Variants in ADAM32 observed in about 807,000 individuals in gnomAD.
The protein encoded by ADAM32 is disintegrin and metalloproteinase domain-containing protein 32.
In ADAM32, 89 loss-of-function variants were observed where a neutral mutation model predicts 114.9. The observed-to-expected ratio is 0.77, with a 90% CI of 0.65 to 0.92. The LOEUF (loss-of-function observed/expected upper bound fraction) is 0.92, where lower values mean the gene tolerates loss of function less well. Ranked by LOEUF, ADAM32 falls within the 40% of genes least tolerant of loss-of-function variation. The pLI is 0.00. For synonymous variants in ADAM32, 285 were observed against 307.5 expected (o/e 0.93, Z 0.77); for missense variants, 870 against 932.8 (o/e 0.93, Z 0.88).
intron 2 of ADAM32, among the ~76,000 whole-genome samples, chr8:39,133,205 C>A (rs887850051): frequency 1.3e-5 from 2 of 152,088 alleles, no homozygotes; most frequent in African/African-American, 4.8e-5. Flanking sequence ...TTAGTGAATT[C>A]TTGATCTGTT....
intron 16 of ADAM32, among the ~76,000 whole-genome samples, chr8:39,245,193 G>A (rs748817555): frequency 6.6e-6 from 1 of 152,090 alleles, no homozygotes; most frequent in Non-Finnish European, 1.5e-5. Context: ...TCTAAGTGAA[G>A]TAACTCAGGA....
At chr8:39,139,135 C>T (rs1666637089) in intron 3 of ADAM32, among the ~76,000 whole-genome samples, 1 of 152,178 alleles carries the variant, frequency 6.6e-6, no homozygotes, top group African/African-American at 2.4e-5. Context: ...TGCCTGTTCA[C>T]TCTGATGATA....
chr8:39,155,724 T>G (rs1170632613), intron 6 of ADAM32, among the ~76,000 whole-genome samples: 2 of 152,200 alleles, frequency 1.3e-5, no homozygotes, highest in Non-Finnish European at 2.9e-5. Context: ...CTAATCGTTT[T>G]CTATATGTCT....
intron 10 of ADAM32, among the ~76,000 whole-genome samples, chr8:39,180,027 C>A (rs966966030): frequency 9.2e-5 from 14 of 152,192 alleles, no homozygotes; most frequent in Non-Finnish European, 1.5e-5. Flanking sequence ...CTTGAGGAGC[C>A]CTTTGGCCCA....
At chr8:39,177,910 G>T (rs542383235) in intron 10 of ADAM32, among the ~76,000 whole-genome samples, 1 of 152,044 alleles carries the variant, frequency 6.6e-6, no homozygotes, top group Non-Finnish European at 1.5e-5. Context: ...TTTTGTAGGT[G>T]ACCTGGCCTT....
At chr8:39,148,669 T>A (rs762544838) in intron 4 of ADAM32, among the ~76,000 whole-genome samples, 10 of 152,188 alleles carry the variant, frequency 6.6e-5, no homozygotes, top group Non-Finnish European at 1.2e-4. Context: ...ACTTGGAATA[T>A]AATAAAAATT....
At chr8:39,182,365 G>C (rs374794225) in intron 10 of ADAM32, among the ~76,000 whole-genome samples, 2 of 152,098 alleles carry the variant, frequency 1.3e-5, no homozygotes, top group African/African-American at 4.8e-5. Context: ...GAGAAAGATT[G>C]TTTTTTCTTT....
At chr8:39,204,121 G>A (rs1471505621) in intron 11 of ADAM32, among the ~76,000 whole-genome samples, 1 of 152,042 alleles carries the variant, frequency 6.6e-6, no homozygotes, top group Non-Finnish European at 1.5e-5. Flanking sequence ...TGGAGTTGCT[G>A]TTCTCAAGGA....
chr8:39,124,945 C>T (rs190843234), intron 2 of ADAM32, among the ~76,000 whole-genome samples: 22 of 152,312 alleles, frequency 1.4e-4, no homozygotes, highest in African/African-American at 4.8e-4. Flanking sequence ...AATGGTTGAA[C>T]TAATTTACAT....
At chr8:39,186,460 A>G (rs1806252958) in intron 10 of ADAM32, among the ~76,000 whole-genome samples, 1 of 152,172 alleles carries the variant, frequency 6.6e-6, no homozygotes, top group Non-Finnish European at 1.5e-5. Flanking sequence ...AGTTCCTAGT[A>G]GGCAGCAGGG....
At chr8:39,207,816 A>T (rs865832269) in intron 11 of ADAM32, among the ~76,000 whole-genome samples, 2 of 152,176 alleles carry the variant, frequency 1.3e-5, no homozygotes, top group African/African-American at 4.8e-5. Context: ...CGTGAGTGTG[A>T]TCATGAGGTG....
intron 11 of ADAM32, among the ~76,000 whole-genome samples, chr8:39,208,533 T>G (rs555875733): frequency 2.0e-5 from 3 of 152,322 alleles, no homozygotes; most frequent in Non-Finnish European, 4.4e-5. Flanking sequence ...CACATTAGCA[T>G]TCTTTTCTGT....
At chr8:39,244,980 T>C (rs1000062824) in intron 16 of ADAM32, among the ~76,000 whole-genome samples, 5 of 151,876 alleles carry the variant, frequency 3.3e-5, no homozygotes, top group Admixed American at 6.6e-5. Context: ...CAAAAGCAAA[T>C]GCAATAAAAA....
chr8:39,272,458 T>G (rs1046732407), intron 20 of ADAM32, among the ~76,000 whole-genome samples: 8 of 152,236 alleles, frequency 5.3e-5, no homozygotes, highest in African/African-American at 1.9e-4. Context: ...TAGCCTATTA[T>G]GTACCTAGGT....
chr8:39,137,388 G>A (rs994943722), intron 3 of ADAM32, among the ~76,000 whole-genome samples: 2 of 152,108 alleles, frequency 1.3e-5, no homozygotes, highest in Admixed American at 6.5e-5. Context: ...GAAAAAAGAG[G>A]CTTACATGAA....
At chr8:39,261,157 A>AC (rs1173735652) in intron 19 of ADAM32, among the ~76,000 whole-genome samples, 1 of 152,128 alleles carries the variant, frequency 6.6e-6, no homozygotes, top group Admixed American at 6.5e-5. Flanking sequence ...AAGAATTAGA[A>AC]CTTTTTTCGC....
chr8:39,259,800 A>G (rs1367296543), intron 19 of ADAM32, among the ~76,000 whole-genome samples: 1 of 152,244 alleles, frequency 6.6e-6, no homozygotes, highest in Admixed American at 6.5e-5. Context: ...AAAATTGCAC[A>G]GGGCTGTCAT....
intron 15 of ADAM32, among the ~76,000 whole-genome samples, chr8:39,232,402 G>A (rs1004792685): frequency 2.0e-5 from 3 of 151,982 alleles, no homozygotes; most frequent in African/African-American, 2.4e-5. Flanking sequence ...TACCTTTCCC[G>A]CTCATTTTTC....
Position 39,246,167 on chromosome 8 carries a change from G to C in ADAM32, c.1902+1G>C, listed in dbSNP as rs775141475. ...TTCACAACAGTGTTCTGGACATGGA[G>C]TAAGTAACCACATGTTTCCCTGAAT... is the stretch of plus-strand genomic sequence containing the variant. On this transcript the variant is annotated splice_donor_variant, in intron 17 of 24. Coordinates refer to ENST00000379907, the MANE Select transcript of ADAM32 (RefSeq NM_145004.7). LOFTEE classifies it high-confidence loss of function. 1 of 1,610,458 alleles carries C rather than the reference G, an allele frequency of 6.2e-7. No homozygotes were observed. The highest frequency in any genetic ancestry group is 8.5e-7 in the Non-Finnish European group (1 of 1,177,654).
Sources: allele counts gnomAD v4.1 joint callset (sites outside exome capture counted in the v4.1 genomes callset), GRCh38; gene constraint gnomAD v4.1.1; transcripts MANE v1.5; gene names NCBI Gene and HGNC (gene_info 2026-07-23, HGNC 2026-07-21).